STAG1: variants seen among roughly 807,000 people sequenced by gnomAD.
The protein encoded by STAG1 is cohesin subunit SA-1.
In STAG1, 26 loss-of-function variants were observed where a neutral mutation model predicts 170.9. That is an observed-to-expected ratio of 0.15 (90% CI 0.11 to 0.21). The LOEUF is 0.21. STAG1 is among the 10% of genes least tolerant of loss of function. STAG1 has a pLI of 1.00. For missense variants in STAG1, 964 were observed against 1,509.5 expected, an observed-to-expected ratio of 0.64 and a Z score of 5.99; for synonymous variants, 514 against 497.7, an observed-to-expected ratio of 1.03 and a Z score of -0.44.
At chr3:136,665,248 A>G (rs1941716985) in intron 1 of STAG1, among the ~76,000 whole-genome samples, 1 of 152,182 alleles carries the variant, frequency 6.6e-6, no homozygotes, top group Non-Finnish European at 1.5e-5. Context: ...ACTGTTATAC[A>G]ATGAGATCTT....
intron 4 of STAG1, among the ~76,000 whole-genome samples, chr3:136,579,964 T>TC (rs1937556157): frequency 1.7e-5 from 2 of 119,574 alleles, no homozygotes; most frequent in Admixed American, 1.6e-4. Context: ...CTGAATTTTT[T>TC]TTTTTTTTTT....
intron 7 of STAG1, among the ~76,000 whole-genome samples, chr3:136,520,006 C>T (rs1197307897): frequency 1.3e-5 from 2 of 151,910 alleles, no homozygotes; most frequent in East Asian, 1.9e-4. Context: ...AGGACTGTAA[C>T]TAACAGAATA....
chr3:136,593,728 T>C (rs1024913935), intron 4 of STAG1, among the ~76,000 whole-genome samples: 8 of 152,230 alleles, frequency 5.3e-5, no homozygotes, highest in Non-Finnish European at 1.2e-4. Flanking sequence ...ATGTTTAGAA[T>C]ATTATATGAT....
At chr3:136,550,004 C>T (rs1936318401) in intron 5 of STAG1, among the ~76,000 whole-genome samples, 1 of 152,086 alleles carries the variant, frequency 6.6e-6, no homozygotes, top group South Asian at 2.1e-4. Flanking sequence ...GAATAATATG[C>T]TGTTAAATTT....
At chr3:136,549,165 C>T (rs575166135) in intron 5 of STAG1, among the ~76,000 whole-genome samples, 1 of 152,268 alleles carries the variant, frequency 6.6e-6, no homozygotes, top group Non-Finnish European at 1.5e-5. Flanking sequence ...TATGCTATTG[C>T]AAATTGGAAT....
intron 1 of STAG1, among the ~76,000 whole-genome samples, chr3:136,738,233 G>A (rs1391461948): frequency 2.0e-5 from 3 of 152,026 alleles, no homozygotes; most frequent in Non-Finnish European, 4.4e-5. Flanking sequence ...GATCAGTCCT[G>A]TAATCCTAGC....
At chr3:136,633,145 T>C (rs2107840041) in intron 1 of STAG1, among the ~76,000 whole-genome samples, 1 of 152,302 alleles carries the variant, frequency 6.6e-6, no homozygotes, top group Admixed American at 6.5e-5. Flanking sequence ...ATGTCCATTT[T>C]TTTAATGTTA....
intron 3 of STAG1, among the ~76,000 whole-genome samples, chr3:136,615,777 CAA>C (rs35492234): frequency 2.3e-5 from 3 of 131,012 alleles, no homozygotes; most frequent in Admixed American, 8.0e-5. Flanking sequence ...GACTCCAAAT[CAA>C]AAAAAAAAAG....
intron 21 of STAG1, among the ~76,000 whole-genome samples, chr3:136,414,600 T>C (rs949069226): frequency 6.6e-6 from 1 of 152,170 alleles, no homozygotes; most frequent in Non-Finnish European, 1.5e-5. Context: ...CTCCTGTTAA[T>C]GTTGATAGTT....
intron 13 of STAG1, among the ~76,000 whole-genome samples, chr3:136,457,176 G>C (rs1433664824): frequency 2.0e-5 from 3 of 152,084 alleles, no homozygotes; most frequent in African/African-American, 7.2e-5. Flanking sequence ...AGGGTGGAAG[G>C]CTGCCCTGCC....
intron 4 of STAG1, among the ~76,000 whole-genome samples, chr3:136,576,688 A>G (rs1937471551): frequency 6.6e-6 from 1 of 152,220 alleles, no homozygotes; most frequent in African/African-American, 2.4e-5. Flanking sequence ...GTTAAAGATG[A>G]GTTTTAAATC....
At chr3:136,558,392 CAAATA>C (rs994593583) in intron 5 of STAG1, among the ~76,000 whole-genome samples, 1 of 151,992 alleles carries the variant, frequency 6.6e-6, no homozygotes, top group African/African-American at 2.4e-5. Flanking sequence ...ACTTATGTCT[CAAATA>C]AAATAAAATA....
At chr3:136,423,119 G>T in intron 16 of STAG1, 75 bp from the exon 17 acceptor site, 1 of 909,436 alleles carries the variant, frequency 1.1e-6, no homozygotes, top group Non-Finnish European at 1.6e-6. Context: ...TATTGATGAA[G>T]CACTGGCAAA....
intron 22 of STAG1, among the ~76,000 whole-genome samples, chr3:136,381,464 AT>A (rs1383284462): frequency 6.6e-6 from 1 of 152,240 alleles, no homozygotes; most frequent in African/African-American, 2.4e-5. Flanking sequence ...AGAGATAAGT[AT>A]TAAAAGTGCC....
intron 4 of STAG1, among the ~76,000 whole-genome samples, chr3:136,590,353 C>T (rs150088072): frequency 0.01 from 1,574 of 151,460 alleles, 31 homozygotes; most frequent in African/African-American, 0.035. Flanking sequence ...ATTAGCCAGG[C>T]GTAGTGGTGT....
intron 1 of STAG1, among the ~76,000 whole-genome samples, chr3:136,678,861 A>G (rs994035500): frequency 3.7e-4 from 56 of 151,012 alleles, no homozygotes; most frequent in African/African-American, 1.1e-3. Context: ...AAAAAAAAAA[A>G]AAAAAGAAAA....
chr3:136,345,120 C>A (rs1362791556), intron 29 of STAG1, among the ~76,000 whole-genome samples: 2 of 152,098 alleles, frequency 1.3e-5, no homozygotes, highest in Non-Finnish European at 2.9e-5. Flanking sequence ...GAGACAGCGT[C>A]TCACTCTGTC....
chr3:136,673,900 C>G (rs1440110918), intron 1 of STAG1, among the ~76,000 whole-genome samples: 1 of 151,736 alleles, frequency 6.6e-6, no homozygotes, highest in African/African-American at 2.4e-5. Context: ...CTCATGAATT[C>G]AAGGCCAGCC....
intron 1 of STAG1, among the ~76,000 whole-genome samples, chr3:136,724,608 A>AG (rs1450885321): frequency 6.6e-6 from 1 of 151,770 alleles, no homozygotes; most frequent in Non-Finnish European, 1.5e-5. Context: ...AATAAAAAAA[A>AG]AAAAAAAAAA....
Sources: allele counts gnomAD v4.1 joint callset (sites outside exome capture counted in the v4.1 genomes callset), GRCh38; gene constraint gnomAD v4.1.1; transcripts MANE v1.5; gene names NCBI Gene and HGNC (gene_info 2026-07-23, HGNC 2026-07-21).